The following ZNF160 variants were observed in gnomAD, a reference collection of about 807,000 sequenced individuals.
ZNF160 encodes zinc finger protein 160, also known as KRAB zinc finger protein KR18.
Under a neutral mutation model 13.1 loss-of-function variants are expected in ZNF160, and 9 were observed. That is an observed-to-expected ratio of 0.69 (90% CI 0.41 to 1.20). The LOEUF (loss-of-function observed/expected upper bound fraction) is 1.20. ZNF160 is among the 50% of genes most tolerant of loss of function. The pLI is 0.01. For synonymous variants in ZNF160, 293 were observed against 333.2 expected (o/e 0.88, Z 1.31); for missense variants, 838 against 988.0 (o/e 0.85, Z 2.04).
At chr19:53,098,221 C>A (rs1182003180) in intron 1 of ZNF160, among the ~76,000 whole-genome samples, 1 of 152,200 alleles carries the variant, frequency 6.6e-6, no homozygotes, top group Non-Finnish European at 1.5e-5. Context: ...CGTGAGCCCA[C>A]AGTCACCTGT....
rs2084288277 is a variant in ZNF160 at position 53,074,143 on chromosome 19, T to C, written c.268A>G (p.Thr90Ala). The change falls in exon 5 of 6, where the codon ACA becomes GCA. Residue 90 changes from threonine to alanine, a missense_variant. This residue lies in a region of ZNF160 where 387 missense variants were observed against 402.3 expected (regional missense o/e 0.96). Coordinates refer to ENST00000683776, the MANE Select transcript of ZNF160 (RefSeq NM_001322131.2). ...RTPECVKGVV[T>A]DIPPKCTIKD... ...CTCTGCCCATCTGAGCTCTTACCTG[T>C]GACCACGCCTTTGACACATTCCGGC... 3 of 1,613,872 alleles carry C rather than the reference T, an allele frequency of 1.9e-6. No homozygotes were observed. Among genetic ancestry groups the C allele is most frequent in the South Asian group, 2.2e-5 (2 of 91,080 alleles).
At chr19:53,078,058 G>A (rs1379181172) in intron 3 of ZNF160, among the ~76,000 whole-genome samples, 1 of 152,154 alleles carries the variant, frequency 6.6e-6, no homozygotes, top group Non-Finnish European at 1.5e-5. Flanking sequence ...TGGCCAACAT[G>A]ATGAAACCTC....
At chr19:53,097,551 G>C (rs904909683) in intron 1 of ZNF160, among the ~76,000 whole-genome samples, 2 of 152,050 alleles carry the variant, frequency 1.3e-5, no homozygotes, top group Non-Finnish European at 2.9e-5. Context: ...AACACCCCAG[G>C]AACTCACTGA....
rs1600799824 is a variant in ZNF160 at position 53,069,458 on chromosome 19, T to C, written c.1076A>G (p.His359Arg). 6.2e-7 allele frequency: 1 copy of C among 1,614,042 alleles called. No individual in the cohort carries two copies. The highest frequency in any genetic ancestry group is 8.5e-7 in the Non-Finnish European group (1 of 1,180,010). Reference protein sequence around the residue: ...AFRGHSNLTTHQLIHTGEKPF... With the variant: ...AFRGHSNLTTRQLIHTGEKPF... ...TTTTTCTCCAGTATGAATTAACTGATGGGTAGTTAGGTTTGAATGTCCTCT... is the reference window on the plus strand; with the variant it reads ...TTTTTCTCCAGTATGAATTAACTGACGGGTAGTTAGGTTTGAATGTCCTCT... The change falls in exon 6 of 6, where the codon CAT becomes CGT. Residue 359 changes from histidine (H) to arginine (R), a missense_variant. Around this residue, in one of 3 missense-constraint regions of ZNF160, gnomAD observed 400 missense variants for 538.9 expected, o/e 0.74. Transcript: ENST00000683776. The surrounding 1 kb of genome is among the most constrained non-coding windows in gnomAD (Gnocchi z 4.4).
intron 1 of ZNF160, among the ~76,000 whole-genome samples, chr19:53,094,025 AC>A (rs1438285377): frequency 3.3e-5 from 5 of 152,278 alleles, no homozygotes; most frequent in African/African-American, 1.2e-4. Flanking sequence ...CTCCAATGAG[AC>A]CCCGATATCA....
At position 53,070,164 on chromosome 19, in the gene ZNF160, G is replaced by C. The variant is rs113127122; in HGVS notation, c.370C>G (p.Pro124Ala). The change falls in exon 6 of 6, where the codon CCT (proline) becomes GCT (alanine). Residue 124 changes from proline (P) to alanine (A), a missense_variant. Pro to Ala is a conservative substitution (Grantham distance 27, BLOSUM62 -1). Coordinates refer to ENST00000683776, the MANE Select transcript of ZNF160 (RefSeq NM_001322131.2). ...HTVVLERHES[P>A]DIEDFSFKEP... ...TTGAAGGAAAAGTCTTCAATGTCAGGGCTTTCGTGTCTTTCCAACACCACT... is the reference window on the plus strand; with the variant it reads ...TTGAAGGAAAAGTCTTCAATGTCAGCGCTTTCGTGTCTTTCCAACACCACT... 14,262 of 1,614,002 alleles carry C rather than the reference G, an allele frequency of 8.8e-3. 285 individuals are homozygous for C. The highest frequency in any genetic ancestry group is 0.058 in the Middle Eastern group (352 of 6,062).
chr19:53,075,428 C>G, intron 3 of ZNF160: 1 of 439,086 alleles, frequency 2.3e-6, no homozygotes, highest in East Asian at 4.9e-5. Context: ...GTGTCTGGAG[C>G]ACCTAGGTAG....
chr19:53,075,746 A>G (rs547281215), intron 3 of ZNF160: 5 of 519,028 alleles, frequency 9.6e-6, no homozygotes, highest in African/African-American at 9.6e-5. Flanking sequence ...AAATGGGTAA[A>G]TATAAGTGTT....
At chr19:53,095,044 C>G (rs1377453224) in intron 1 of ZNF160, among the ~76,000 whole-genome samples, 3 of 148,148 alleles carry the variant, frequency 2.0e-5, no homozygotes, top group South Asian at 2.2e-4. Flanking sequence ...CTTCTCACCC[C>G]ACCCCTTCCC....
intron 3 of ZNF160, among the ~76,000 whole-genome samples, chr19:53,076,152 T>A (rs1174498895): frequency 6.6e-6 from 1 of 152,238 alleles, no homozygotes; most frequent in Non-Finnish European, 1.5e-5. Context: ...CCTAATTCTG[T>A]CTTATTATTC....
At chr19:53,093,782 C>G (rs2085120841) in intron 1 of ZNF160, 1 of 152,076 alleles carries the variant, frequency 6.6e-6, no homozygotes, top group African/African-American at 2.4e-5. Flanking sequence ...TCTCAAAAAA[C>G]AAAAAACAGA....
intron 3 of ZNF160, chr19:53,085,052 C>T (rs2084779357): frequency 2.1e-6 from 1 of 470,702 alleles, no homozygotes; most frequent in Non-Finnish European, 2.8e-6. Flanking sequence ...CTCTGGGGCT[C>T]AAATGATCCT....
chr19:53,074,329 T>G lies in ZNF160; in HGVS notation c.143-61A>C, dbSNP rs1013991071. ...GCTTTTCCAGAATCCCAGCCCTATG[T>G]TTACATGAGAGGACATTATATGTGG... On this transcript the variant is annotated intron_variant, in intron 4 of 5. Transcript: ENST00000683776. 13 of 1,597,710 alleles carry G rather than the reference T, an allele frequency of 8.1e-6. No individual in the cohort carries two copies. In the African/African-American group the frequency reaches 1.4e-4, roughly 17 times the overall value.
chr19:53,070,546 G>T (rs548319084), intron 5 of ZNF160, among the ~76,000 whole-genome samples: 1 of 152,178 alleles, frequency 6.6e-6, no homozygotes, highest in Non-Finnish European at 1.5e-5. Context: ...GAGTAGCTGG[G>T]ACTACAGGCG....
intron 1 of ZNF160, chr19:53,093,753 G>A (rs944763266): frequency 2.6e-5 from 4 of 152,172 alleles, no homozygotes; most frequent in Non-Finnish European, 2.9e-5. Context: ...CACCACTCCA[G>A]CCTGGGTGAC....
At chr19:53,082,429 C>T (rs1295257617) in intron 3 of ZNF160, among the ~76,000 whole-genome samples, 2 of 152,150 alleles carry the variant, frequency 1.3e-5, no homozygotes, top group Non-Finnish European at 2.9e-5. Flanking sequence ...TGCCTATAAT[C>T]CCAGCACTTT....
rs1012441280 is a variant in ZNF160, at chr19:53,099,665, C to A, written c.-354+3600G>T. On this transcript the variant is annotated intron_variant, in intron 1 of 5. Coordinates refer to ENST00000683776, the MANE Select transcript of ZNF160 (RefSeq NM_001322131.2). ...TGTTTTAAATTTTAAAGGACTGAGT[C>A]CCATTTAAATTTTTAATTGCAGTGG... 3.9e-5 allele frequency among the ~76,000 whole-genome samples: 6 copies of A among 152,236 alleles called. No individual in the cohort carries two copies. The South Asian group carries it at 1.0e-3, about 26-fold the overall frequency.
intron 4 of ZNF160, 151 bp from the exon 5 acceptor site, chr19:53,074,419 G>C: frequency 7.5e-7 from 1 of 1,328,602 alleles, no homozygotes; most frequent in Non-Finnish European, 9.9e-7. Context: ...TGTAATCCCA[G>C]CATTTTGGGA....
intron 1 of ZNF160, among the ~76,000 whole-genome samples, chr19:53,102,721 C>T (rs2085491331): frequency 6.6e-6 from 1 of 152,188 alleles, no homozygotes; most frequent in African/African-American, 2.4e-5. Context: ...CCTTGGGCCA[C>T]ACATTCACTG....
Sources: gnomAD v4.1 joint callset for allele counts (sites outside exome capture counted in the v4.1 genomes callset) on GRCh38, gnomAD v4.1.1 for gene constraint, gnomAD v4.1.1 regional missense constraint, Gnocchi (gnomAD v3.1) non-coding constraint, MANE v1.5 for transcripts, NCBI Gene and HGNC (gene_info 2026-07-23, HGNC 2026-07-21) for gene names.